SPTB: variants seen among roughly 807,000 people sequenced by gnomAD.
The protein encoded by SPTB is spectrin beta, erythrocytic.
A neutral mutation model predicts 256.2 loss-of-function variants in SPTB; 45 were observed. The ratio of observed to expected loss-of-function variants is 0.18; its 90% CI spans 0.14 to 0.23. The LOEUF is 0.23. Among genes scored for constraint, SPTB ranks in the 10% least tolerant of loss-of-function variants. SPTB has a pLI of 1.00. For missense variants in SPTB, 2,715 were observed against 3,040.4 expected (o/e 0.89, Z 2.52); for synonymous variants, 1,231 against 1,243.1 (o/e 0.99, Z 0.21).
Position 64,840,026 on chromosome 14 carries a change from T to C in SPTB, c.-51-16881A>G, listed in dbSNP as rs183874287. Among the ~76,000 whole-genome samples, 334 of 152,364 alleles carry C rather than the reference T, an allele frequency of 2.2e-3. 5 individuals are homozygous for C. The highest frequency in any genetic ancestry group is 0.014 in the Middle Eastern group (4 of 294). ...AAAGTTATCTCCTGCAATTTCTCCC[T>C]GATCCTCTTATGACCCTGTGAGACA... On this transcript the variant is annotated intron_variant, in intron 1 of 35. Coordinates refer to ENST00000644917, the MANE Select transcript of SPTB (RefSeq NM_001355436.2).
rs746390869 is a variant in SPTB at position 64,795,569 on chromosome 14, G to A, written c.1412C>T (p.Thr471Met). The A allele has an allele frequency of 4.3e-6, 7 of 1,614,138 alleles. No individual in the cohort carries two copies. Among genetic ancestry groups the A allele is most frequent in the Middle Eastern group, 1.6e-4 (1 of 6,062 alleles). Reference sequence around the variant, plus strand: ...TCTCACCCGCTCCTCGTAGGCAGCCGTGTCGGTCTCGATGGCCTCATGCTT... The same window carrying A: ...TCTCACCCGCTCCTCGTAGGCAGCCATGTCGGTCTCGATGGCCTCATGCTT... ...KKKHEAIETD[T>M]AAYEERVRAL... The change falls in exon 12 of 36, where the codon ACG becomes ATG. Residue 471 changes from threonine to methionine, a missense_variant. Physicochemically the swap from Thr to Met is moderately conservative, Grantham distance 81. This residue lies in a region of SPTB where 416 missense variants were observed against 571.1 expected (regional missense o/e 0.73). Transcript: ENST00000644917. The surrounding 1 kb of genome is among the most constrained non-coding windows in gnomAD (Gnocchi z 6.5).
At chr14:64,767,928 C>T (rs1256280317) in intron 29 of SPTB, 69 bp from the exon 30 acceptor site, 11 of 1,554,322 alleles carry the variant, frequency 7.1e-6, no homozygotes, top group African/African-American at 2.7e-5. Context: ...TCGTTCACTC[C>T]TGATTGGGGC....
chr14:64,746,403 G>T lies in SPTB; in HGVS notation c.*2903C>A, dbSNP rs2081838155. On this transcript the variant is annotated 3_prime_UTR_variant, in exon 36 of 36. Coordinates refer to ENST00000644917, the MANE Select transcript of SPTB (RefSeq NM_001355436.2). This position sits in a 1 kb window ranked among gnomAD's most constrained non-coding sequence, Gnocchi z 4.9. The stretch of plus-strand genomic sequence containing the variant: ...CCCAGGGCCAGCCCCAGATTGCATG[G>T]TCTGTGCCCAACAGGGTTGCATTCC... 1 of 152,788 alleles carries T rather than the reference G, an allele frequency of 6.5e-6. No individual in the cohort carries two copies. Among genetic ancestry groups the T allele is most frequent in the Non-Finnish European group, 1.5e-5 (1 of 68,086 alleles). The allele number at this position is 152,788 out of a possible 1,614,324, so 9.5% of individuals were successfully genotyped here.
At position 64,800,774 on chromosome 14, in the gene SPTB, C is replaced by T; in HGVS notation, c.858G>A (p.Glu286=). The T allele has an allele frequency of 1.9e-6, 3 of 1,614,208 alleles. No individual in the cohort carries two copies. Among genetic ancestry groups the T allele is most frequent in the Non-Finnish European group, 1.7e-6 (2 of 1,180,026 alleles). Residue 286 remains glutamate (E), a synonymous_variant, in exon 8 of 36, where the codon GAG becomes GAA. Transcript: ENST00000644917. ...CTTGTACCTTGCCGACACGCTTGCC[C>T]TCCACTGCCAGCACCTTCATCTTGG... ...YFSKMKVLAV[E]GKRVGKVIDH... is the part of the protein sequence containing the mutation.
chr14:64,849,090 G>A (rs1280278032), intron 1 of SPTB, among the ~76,000 whole-genome samples: 1 of 152,170 alleles, frequency 6.6e-6, no homozygotes, highest in East Asian at 1.9e-4. Flanking sequence ...GGTTAAGTAG[G>A]TTAAGTTATA....
chr14:64,816,258 C>T lies in SPTB; in HGVS notation c.148+6689G>A, dbSNP rs541159445. Among the ~76,000 whole-genome samples, 66 of 152,310 alleles carry T rather than the reference C, an allele frequency of 4.3e-4. No homozygotes were observed. The highest frequency in any genetic ancestry group is 1.4e-3 in the African/African-American group (57 of 41,560). On this transcript the variant is annotated intron_variant, in intron 2 of 35. Coordinates refer to ENST00000644917, the MANE Select transcript of SPTB (RefSeq NM_001355436.2). This position sits in a 1 kb window ranked among gnomAD's most constrained non-coding sequence, Gnocchi z 4.2. ...AACCCTGCCACTGTATGGAAAGGCACGCTGAGGTCTTGAATAAAAAACTCA... is the reference window on the plus strand; with the variant it reads ...AACCCTGCCACTGTATGGAAAGGCATGCTGAGGTCTTGAATAAAAAACTCA...
rs750490590 is a variant in SPTB, at chr14:64,760,136, C to T, written c.6346-6343G>A. Among the ~76,000 whole-genome samples the T allele has an allele frequency of 1.5e-4, 23 of 152,146 alleles. No individual in the cohort carries two copies. The highest frequency in any genetic ancestry group is 4.6e-4 in the African/African-American group (19 of 41,494). On this transcript the variant is annotated intron_variant, in intron 32 of 35. Coordinates refer to ENST00000644917, the MANE Select transcript of SPTB (RefSeq NM_001355436.2). This position sits in a 1 kb window ranked among gnomAD's most constrained non-coding sequence, Gnocchi z 4.3. The stretch of plus-strand genomic sequence containing the variant: ...AGAGGCCACAGGCTCCCAATGGGTG[C>T]GGGATGGCCATCTCTGGGTCTTTGC...
intron 1 of SPTB, among the ~76,000 whole-genome samples, chr14:64,854,171 G>T (rs185510865): frequency 6.6e-6 from 1 of 150,722 alleles, no homozygotes; most frequent in Admixed American, 6.6e-5. Flanking sequence ...CAGCCTGGGC[G>T]ACAGAGTGAG....
chr14:64,765,814 GTGT>G (rs2082161954), intron 32 of SPTB, among the ~76,000 whole-genome samples: 2 of 148,076 alleles, frequency 1.4e-5, no homozygotes, highest in African/African-American at 2.6e-5. Context: ...GGGTGTGTGT[GTGT>G]GTGAGTGTGT....
chr14:64,861,264 C>T (rs533999464), intron 1 of SPTB, among the ~76,000 whole-genome samples: 19 of 152,220 alleles, frequency 1.2e-4, no homozygotes, highest in African/African-American at 3.9e-4. Flanking sequence ...CACCATGGCA[C>T]ATGTATACCT....
chr14:64,815,045 T>C lies in SPTB; in HGVS notation c.148+7902A>G, dbSNP rs1413580075. ...GTGTGTGTGTGCATGTAAGCAGGTT[T>C]TGGGAGTGGGGGTGAGAAGCAGTGA... On this transcript the variant is annotated intron_variant, in intron 2 of 35. Transcript: ENST00000644917. Among the ~76,000 whole-genome samples the C allele has an allele frequency of 3.3e-5, 5 of 152,040 alleles. No homozygotes were observed. In the East Asian group the frequency reaches 9.6e-4, roughly 29 times the overall value.
chr14:64,773,205 GT>G lies in SPTB; in HGVS notation c.5178+14del, dbSNP rs2082305593. The stretch of plus-strand genomic sequence containing the variant: ...TTAGAGAAAGACAAAAACAGCAGGA[GT>G]TGTGGCTACTCACAGTCACGTGGTC... On this transcript the variant is annotated intron_variant, in intron 25 of 35. Transcript: ENST00000644917. The G allele has an allele frequency of 1.2e-6, 2 of 1,613,972 alleles. No homozygotes were observed. Among genetic ancestry groups the G allele is most frequent in the South Asian group, 1.1e-5 (1 of 91,084 alleles).
Position 64,799,199 on chromosome 14 carries a change from GGTT to G in SPTB, c.1064+545_1064+547del, listed in dbSNP as rs1555371393. On this transcript the variant is annotated intron_variant, in intron 9 of 35. Transcript: ENST00000644917. ...TATGCAGGTATGCATGTGTGTGCAC[GGTT>G]GTTTGCATGCACATGTGTGTAAGCA... 4.6e-5 allele frequency among the ~76,000 whole-genome samples: 7 copies of G among 152,224 alleles called. 1 individual carries two copies. Among genetic ancestry groups the G allele is most frequent in the Admixed American group, 1.3e-4 (2 of 15,284 alleles).
chr14:64,850,474 T>C (rs75857444), intron 1 of SPTB, among the ~76,000 whole-genome samples: 2 of 152,296 alleles, frequency 1.3e-5, no homozygotes, highest in East Asian at 1.9e-4. Context: ...GACAGACATA[T>C]TGGCCAACAT....
chr14:64,838,656 A>G (rs1052363166), intron 1 of SPTB, among the ~76,000 whole-genome samples: 3 of 152,200 alleles, frequency 2.0e-5, no homozygotes, highest in African/African-American at 7.2e-5. Context: ...ATTCGTCATT[A>G]GGAAAATGTA....
intron 28 of SPTB, 125 bp downstream of exon 28, chr14:64,769,465 T>C: frequency 7.5e-7 from 1 of 1,337,498 alleles, no homozygotes; most frequent in Non-Finnish European, 1.0e-6. Flanking sequence ...CCGATCTCCA[T>C]GAGTGAGAGC....
chr14:64,783,583 C>A (rs1175010437), intron 19 of SPTB, among the ~76,000 whole-genome samples: 1 of 152,194 alleles, frequency 6.6e-6, no homozygotes, highest in African/African-American at 2.4e-5. Flanking sequence ...ATTTAGTGCT[C>A]ACAACTCCAC....
At chr14:64,809,176 T>C (rs924438796) in intron 2 of SPTB, among the ~76,000 whole-genome samples, 28 of 149,228 alleles carry the variant, frequency 1.9e-4, no homozygotes, top group African/African-American at 6.7e-4. Context: ...GCAGGAGAAT[T>C]GTTTGAACTC....
rs2082769491 is a variant in SPTB, at chr14:64,796,410, A to G, written c.1341+147T>C. On this transcript the variant is annotated intron_variant, in intron 11 of 35. Transcript: ENST00000644917. The surrounding 1 kb of genome is among the most constrained non-coding windows in gnomAD (Gnocchi z 4.1). ...CCTGGAGAGCTCCTCCCCAGATGCA[A>G]ATCTTGATCCACTGGATCACGGGGG... 1 of 1,068,646 alleles carries G rather than the reference A, an allele frequency of 9.4e-7. No individual in the cohort carries two copies. The highest frequency in any genetic ancestry group is 1.4e-6 in the Non-Finnish European group (1 of 712,142). The allele number at this position is 1,068,646 out of a possible 1,614,324, so 66.2% of individuals were successfully genotyped here.
Sources: gnomAD v4.1 joint callset for allele counts (sites outside exome capture counted in the v4.1 genomes callset) on GRCh38, gnomAD v4.1.1 for gene constraint, gnomAD v4.1.1 regional missense constraint, Gnocchi (gnomAD v3.1) non-coding constraint, MANE v1.5 for transcripts, NCBI Gene and HGNC (gene_info 2026-07-23, HGNC 2026-07-21) for gene names.